The following CADPS variants were observed in gnomAD, a reference collection of about 807,000 sequenced individuals.
The protein encoded by CADPS is calcium dependent secretion activator, also known as calcium-dependent secretion activator 1.
Under a neutral mutation model 167.3 loss-of-function variants are expected in CADPS, and 57 were observed. The observed-to-expected ratio is 0.34, with a 90% CI of 0.28 to 0.42. The LOEUF is 0.42. Among genes scored for constraint, CADPS ranks in the 20% least tolerant of loss-of-function variants. The pLI is 1.00. For missense variants in CADPS, 1,414 were observed against 1,738.1 expected (o/e 0.81, Z 3.32); for synonymous variants, 676 against 635.3 (o/e 1.06, Z -0.96).
intron 3 of CADPS, among the ~76,000 whole-genome samples, chr3:62,686,951 G>T (rs1348659890): frequency 1.3e-5 from 2 of 152,088 alleles, no homozygotes; most frequent in African/African-American, 4.8e-5. Context: ...ATGCTCAAAA[G>T]GTGCTGGCCT....
intron 3 of CADPS, among the ~76,000 whole-genome samples, chr3:62,666,033 G>T (rs922626945): frequency 1.2e-4 from 19 of 152,212 alleles, no homozygotes; most frequent in African/African-American, 4.6e-4. Flanking sequence ...AGAAGAGAAG[G>T]CACCAGATGG....
At chr3:62,740,202 C>A (rs972625130) in intron 3 of CADPS, among the ~76,000 whole-genome samples, 1 of 152,168 alleles carries the variant, frequency 6.6e-6, no homozygotes, top group Non-Finnish European at 1.5e-5. Flanking sequence ...CACGCAGAGG[C>A]CCAGGCTACA....
At chr3:62,489,841 G>GA (rs1194943240) in intron 21 of CADPS, among the ~76,000 whole-genome samples, 3 of 151,576 alleles carry the variant, frequency 2.0e-5, no homozygotes, top group African/African-American at 7.3e-5. Context: ...ATTGAACATT[G>GA]AAAAAAAATA....
At chr3:62,772,787 G>A (rs1046184369) in intron 1 of CADPS, among the ~76,000 whole-genome samples, 1 of 152,172 alleles carries the variant, frequency 6.6e-6, no homozygotes, top group African/African-American at 2.4e-5. Context: ...GTATCAGAAA[G>A]AAGGGAGAAG....
At chr3:62,545,020 T>C (rs1012238949) in intron 11 of CADPS, among the ~76,000 whole-genome samples, 1 of 151,772 alleles carries the variant, frequency 6.6e-6, no homozygotes, top group Admixed American at 6.6e-5. Flanking sequence ...AAAAACAAAA[T>C]CAACCTCCCC....
chr3:62,828,595 A>T (rs2074490867), intron 1 of CADPS, among the ~76,000 whole-genome samples: 1 of 152,174 alleles, frequency 6.6e-6, no homozygotes, highest in Non-Finnish European at 1.5e-5. Flanking sequence ...TGCACATCAG[A>T]ACATTTTAAT....
intron 9 of CADPS, among the ~76,000 whole-genome samples, chr3:62,570,121 G>C (rs1323493304): frequency 6.6e-6 from 1 of 151,802 alleles, no homozygotes; most frequent in East Asian, 1.9e-4. Flanking sequence ...ATCCAAAAGG[G>C]AAAAGTTTAC....
intron 28 of CADPS, among the ~76,000 whole-genome samples, chr3:62,431,733 A>G (rs1217829126): frequency 6.6e-6 from 1 of 152,012 alleles, no homozygotes; most frequent in Admixed American, 6.6e-5. Flanking sequence ...GCTGTAAAGA[A>G]TATTTTGGGG....
intron 8 of CADPS, among the ~76,000 whole-genome samples, chr3:62,571,752 T>G (rs571950058): frequency 3.9e-5 from 6 of 152,178 alleles, no homozygotes; most frequent in African/African-American, 1.4e-4. Flanking sequence ...TTGATAGAGA[T>G]GGGGTTTCAC....
chr3:62,454,149 G>T (rs367747749), intron 26 of CADPS, among the ~76,000 whole-genome samples: 1 of 152,230 alleles, frequency 6.6e-6, no homozygotes, highest in South Asian at 2.1e-4. Context: ...GCCTATAAAT[G>T]GAACCATTTC....
At chr3:62,594,143 ATT>A (rs1237607335) in intron 6 of CADPS, among the ~76,000 whole-genome samples, 6 of 144,706 alleles carry the variant, frequency 4.1e-5, no homozygotes, top group South Asian at 2.2e-4. Flanking sequence ...TTTTTTATTT[ATT>A]TTTTTTATTT....
intron 16 of CADPS, chr3:62,513,637 C>A: frequency 6.4e-7 from 1 of 1,570,428 alleles, no homozygotes; most frequent in Non-Finnish European, 8.7e-7. Context: ...TAGGTACTCA[C>A]GAATGGTTAA....
chr3:62,473,192 G>C (rs897655412), intron 24 of CADPS, among the ~76,000 whole-genome samples: 2 of 118,738 alleles, frequency 1.7e-5, no homozygotes, highest in Non-Finnish European at 3.2e-5. Context: ...AAAGGTCCTC[G>C]ACAAGAAAAT....
In CADPS at chr3:62,412,413, T is replaced by C. The variant is rs539154478; in HGVS notation, c.3778-9228A>G. Among the ~76,000 whole-genome samples, 2 of 152,232 alleles carry C rather than the reference T, an allele frequency of 1.3e-5. No homozygotes were observed. Among genetic ancestry groups the C allele is most frequent in the Admixed American group, 1.3e-4 (2 of 15,288 alleles). ...GCCTTTTCTCATTAGGAAGAGATAA[T>C]GCAAAAGACATAATAATTTAAAAGA... On this transcript the variant is annotated intron_variant, in intron 28 of 29. Transcript: ENST00000383710. The surrounding 1 kb of genome is among the most constrained non-coding windows in gnomAD (Gnocchi z 4.1).
intron 1 of CADPS, among the ~76,000 whole-genome samples, chr3:62,791,591 A>G (rs1302686174): frequency 6.6e-6 from 1 of 152,212 alleles, no homozygotes; most frequent in Non-Finnish European, 1.5e-5. Flanking sequence ...AAATTGCTCA[A>G]CTTTCCATTT....
chr3:62,538,776 CTTTG>C (rs376621598), intron 11 of CADPS, among the ~76,000 whole-genome samples: 370 of 152,198 alleles, frequency 2.4e-3, no homozygotes, highest in African/African-American at 8.1e-3. Flanking sequence ...GTCTCTTTCT[CTTTG>C]TTTGTTTGTT....
intron 28 of CADPS, among the ~76,000 whole-genome samples, chr3:62,407,483 G>C (rs1445415692): frequency 6.6e-6 from 1 of 152,088 alleles, no homozygotes. Context: ...AAACCCTGTG[G>C]GGTGAGTTAC....
At chr3:62,462,339 T>A (rs2059450618) in intron 26 of CADPS, among the ~76,000 whole-genome samples, 1 of 152,164 alleles carries the variant, frequency 6.6e-6, no homozygotes. Flanking sequence ...TCATCCTCCC[T>A]CCTCCCTCCA....
At chr3:62,790,540 C>A (rs1011194217) in intron 1 of CADPS, among the ~76,000 whole-genome samples, 3 of 152,068 alleles carry the variant, frequency 2.0e-5, no homozygotes, top group Non-Finnish European at 2.9e-5. Flanking sequence ...GCAAATAGTA[C>A]AGTGGGGAGT....
Sources: gnomAD v4.1 joint callset for allele counts (sites outside exome capture counted in the v4.1 genomes callset) on GRCh38, gnomAD v4.1.1 for gene constraint, Gnocchi (gnomAD v3.1) non-coding constraint, MANE v1.5 for transcripts, NCBI Gene and HGNC (gene_info 2026-07-23, HGNC 2026-07-21) for gene names.